The following DAB1 variants were observed in gnomAD, a reference collection of about 807,000 sequenced individuals.
The protein encoded by DAB1 is disabled homolog 1.
Under a neutral mutation model 64.6 loss-of-function variants are expected in DAB1, and 15 were observed. That is an observed-to-expected ratio of 0.23 (90% confidence interval 0.16 to 0.36). The LOEUF (loss-of-function observed/expected upper bound fraction) is 0.36, where lower values mean the gene tolerates loss of function less well. DAB1 is among the 10% of genes least tolerant of loss of function. The pLI, the probability that DAB1 is intolerant of heterozygous loss-of-function variation, is 1.00. For synonymous variants in DAB1, 235 were observed against 251.9 expected, an observed-to-expected ratio of 0.93 and a Z score of 0.64; for missense variants, 596 against 706.7, an observed-to-expected ratio of 0.84 and a Z score of 1.78.
chr1:57,307,470 G>A (rs1674283298), intron 1 of DAB1: 1 of 152,872 alleles, frequency 6.5e-6, no homozygotes, highest in Non-Finnish European at 1.5e-5. Flanking sequence ...CAGCTGGTGA[G>A]ACCACACCTC....
At chr1:58,187,212 A>G (rs1557687242) in intron 4 of DAB1, among the ~76,000 whole-genome samples, 1 of 151,694 alleles carries the variant, frequency 6.6e-6, no homozygotes, top group Admixed American at 6.6e-5. Flanking sequence ...TAATCCCAGC[A>G]CTTTGGGAGG....
chr1:57,652,838 C>A lies in DAB1; in HGVS notation n.552-3173G>T, dbSNP rs149165908. Among the ~76,000 whole-genome samples the A allele has an allele frequency of 4.2e-3, 634 of 152,224 alleles. 3 individuals carry two copies. The highest frequency in any genetic ancestry group is 7.3e-3 in the Admixed American group (112 of 15,292). ...ATTAAACACTTAATGAGTGTCTGAG[C>A]CAAGATTCAAACCCAGAATGTCTGG... On this transcript the variant is annotated intron_variant and non_coding_transcript_variant, in intron 6 of 20. Coordinates refer to the DAB1 transcript ENST00000485760.
intron 2 of DAB1, among the ~76,000 whole-genome samples, chr1:57,204,737 A>G (rs1236226098): frequency 6.6e-6 from 1 of 152,260 alleles, no homozygotes; most frequent in South Asian, 2.1e-4. Flanking sequence ...AGTATTTCAC[A>G]TAATAAGCAA....
chr1:57,481,816 CAAA>C (rs11367788), intron 7 of DAB1, among the ~76,000 whole-genome samples: 3 of 128,144 alleles, frequency 2.3e-5, no homozygotes, highest in Admixed American at 8.2e-5. Flanking sequence ...GACTCTGTCT[CAAA>C]AAAAAAAAAA....
At chr1:57,434,364 TG>T (rs1031047999) in intron 7 of DAB1, among the ~76,000 whole-genome samples, 20 of 152,092 alleles carry the variant, frequency 1.3e-4, no homozygotes, top group Admixed American at 5.9e-4. Flanking sequence ...ACATTTTGAG[TG>T]AAAAAAGACA....
intron 4 of DAB1, among the ~76,000 whole-genome samples, chr1:58,330,179 A>G (rs1263365968): frequency 2.6e-5 from 4 of 152,244 alleles, no homozygotes; most frequent in Non-Finnish European, 5.9e-5. Flanking sequence ...GACAGCTTCA[A>G]TCCTGATATA....
chr1:57,918,551 G>A (rs557718745), intron 5 of DAB1, among the ~76,000 whole-genome samples: 20 of 152,262 alleles, frequency 1.3e-4, no homozygotes, highest in African/African-American at 3.1e-4. Flanking sequence ...TAAGCCAGGC[G>A]CGGTGGCTCA....
At chr1:57,011,406 T>C (rs1163426594) in intron 12 of DAB1, 134 bp from the exon 13 acceptor site, 4 of 1,028,156 alleles carry the variant, frequency 3.9e-6, no homozygotes, top group Non-Finnish European at 5.7e-6. Context: ...GTGGAATCAG[T>C]TGAATATTTG....
upstream of DAB1, among the ~76,000 whole-genome samples, chr1:57,426,983 C>G (rs1198978627): frequency 6.6e-6 from 1 of 151,652 alleles, no homozygotes; most frequent in East Asian, 1.9e-4. Flanking sequence ...CCTGCCTCAG[C>G]CTCTCAAGTA....
intron 4 of DAB1, among the ~76,000 whole-genome samples, chr1:57,075,845 T>C (rs1651937016): frequency 6.6e-6 from 1 of 152,196 alleles, no homozygotes; most frequent in African/African-American, 2.4e-5. Flanking sequence ...AAAGTCTCCT[T>C]TCCTTAGACT....
chr1:57,832,310 C>T (rs1252863525), intron 1 of DAB1, among the ~76,000 whole-genome samples: 1 of 152,116 alleles, frequency 6.6e-6, no homozygotes, highest in Non-Finnish European at 1.5e-5. Flanking sequence ...AGCTTTAAAA[C>T]CTGGGCCAAT....
At chr1:57,498,908 T>A (rs1480769938) in intron 7 of DAB1, among the ~76,000 whole-genome samples, 1 of 152,192 alleles carries the variant, frequency 6.6e-6, no homozygotes, top group Admixed American at 6.5e-5. Context: ...GCAAAGGAAC[T>A]AGGCTCACTC....
At chr1:57,775,768 A>G (rs1649767726) in intron 6 of DAB1, among the ~76,000 whole-genome samples, 1 of 151,516 alleles carries the variant, frequency 6.6e-6, no homozygotes, top group Non-Finnish European at 1.5e-5. Context: ...TTTTTTATCT[A>G]TTTATCTTTT....
At chr1:57,901,466 A>G (rs1446448677) in intron 5 of DAB1, among the ~76,000 whole-genome samples, 3 of 151,770 alleles carry the variant, frequency 2.0e-5, no homozygotes, top group Admixed American at 6.6e-5. Flanking sequence ...CTCTTCTCCA[A>G]CTCTCACAAT....
intron 7 of DAB1, among the ~76,000 whole-genome samples, chr1:57,645,027 A>G (rs756778546): frequency 5.9e-5 from 9 of 152,184 alleles, no homozygotes; most frequent in Non-Finnish European, 8.8e-5. Context: ...AGGAGAATCC[A>G]GGGAGGGGGA....
chr1:58,440,361 C>T (rs1040324354), intron 3 of DAB1, among the ~76,000 whole-genome samples: 12 of 152,268 alleles, frequency 7.9e-5, no homozygotes, highest in Admixed American at 5.2e-4. Flanking sequence ...GTTCAACGAG[C>T]AGGAGGGCCA....
Position 58,228,748 on chromosome 1 carries a change from C to T in DAB1, n.310-78160G>A, listed in dbSNP as rs140416166. On this transcript the variant is annotated intron_variant and non_coding_transcript_variant, in intron 4 of 20. Transcript: ENST00000485760. ...TGGAAACTGAGCCACATCAGGCCCACGTTGATGGCATAGGTGGTTATGCAA... is the reference window on the plus strand; with the variant it reads ...TGGAAACTGAGCCACATCAGGCCCATGTTGATGGCATAGGTGGTTATGCAA... 2.0e-5 allele frequency: 20 copies of T among 985,910 alleles called. No individual in the cohort carries two copies. In the East Asian group the frequency reaches 2.2e-4, roughly 11 times the overall value. 61.1% of individuals were successfully genotyped at this position (985,910 alleles called of 1,614,324 possible). A position where few individuals can be genotyped will look rare whatever the true frequency, so the allele number is the denominator to read the frequency against.
At chr1:58,245,206 G>A (rs895853851) in intron 4 of DAB1, among the ~76,000 whole-genome samples, 14 of 152,158 alleles carry the variant, frequency 9.2e-5, no homozygotes, top group African/African-American at 3.4e-4. Context: ...ACCCCCCGCC[G>A]CCTCAGAGCA....
intron 7 of DAB1, among the ~76,000 whole-genome samples, chr1:57,496,418 A>AAC (rs1644231229): frequency 6.6e-6 from 1 of 152,200 alleles, no homozygotes; most frequent in African/African-American, 2.4e-5. Flanking sequence ...AGGATAAAAA[A>AAC]ACACACACAG....
Sources: allele counts gnomAD v4.1 joint callset (sites outside exome capture counted in the v4.1 genomes callset), GRCh38; gene constraint gnomAD v4.1.1; transcripts MANE v1.5; gene names NCBI Gene and HGNC (gene_info 2026-07-23, HGNC 2026-07-21).